The following RND3 variants were observed in gnomAD, a reference collection of about 807,000 sequenced individuals.
RND3 encodes Rho family GTPase 3.
In RND3, 8 loss-of-function variants were observed where a neutral mutation model predicts 26.5. The ratio of observed to expected loss-of-function variants is 0.30; its 90% CI spans 0.18 to 0.54. The LOEUF (loss-of-function observed/expected upper bound fraction) is 0.54, where lower values mean the gene tolerates loss of function less well. RND3 is among the 20% of genes least tolerant of loss of function. The pLI, the probability that RND3 is intolerant of heterozygous loss-of-function variation, is 0.94. For synonymous variants in RND3, 113 were observed against 113.0 expected (o/e 1.00, Z 0.00); for missense variants, 207 against 302.8 (o/e 0.68, Z 2.35).
chr2:150,484,237 G>A (rs114267056), intron 3 of RND3, among the ~76,000 whole-genome samples: 1,741 of 152,276 alleles, frequency 0.011, 35 homozygotes, highest in African/African-American at 0.04. Flanking sequence ...CAGAGTCTAC[G>A]AACTGCAGAG....
At chr2:150,478,805 G>A (rs1686217138) in intron 3 of RND3, among the ~76,000 whole-genome samples, 1 of 152,042 alleles carries the variant, frequency 6.6e-6, no homozygotes, top group Non-Finnish European at 1.5e-5. Flanking sequence ...ATAACATTTA[G>A]GGACTGCGTT....
At chr2:150,473,950 C>T (rs1291155914) in intron 4 of RND3, among the ~76,000 whole-genome samples, 1 of 152,226 alleles carries the variant, frequency 6.6e-6, no homozygotes, top group Non-Finnish European at 1.5e-5. Flanking sequence ...TCAGCCACAT[C>T]CGGTGTTGAA....
In RND3 at chr2:150,472,841, C is replaced by T. The variant is rs1324095834; in HGVS notation, c.349-1080G>A. Among the ~76,000 whole-genome samples, 4 of 152,060 alleles carry T rather than the reference C, an allele frequency of 2.6e-5. No homozygotes were observed. In the East Asian group the frequency reaches 7.7e-4, roughly 29 times the overall value. On this transcript the variant is annotated intron_variant, in intron 4 of 5. Coordinates refer to ENST00000263895, the MANE Select transcript of RND3 (RefSeq NM_005168.5). ...TATAACACTAGATAAGAGGGACATC[C>T]TGCAAGAATAACTTAAAAGATCACT...
intron 3 of RND3, among the ~76,000 whole-genome samples, chr2:150,479,492 C>T (rs1686235459): frequency 6.6e-6 from 1 of 152,160 alleles, no homozygotes; most frequent in African/African-American, 2.4e-5. Flanking sequence ...GAACCTTCAT[C>T]TGAAAAGCTT....
intron 4 of RND3, 84 bp downstream of exon 4, chr2:150,474,791 A>C (rs1335441526): frequency 2.7e-6 from 2 of 730,940 alleles, no homozygotes; most frequent in African/African-American, 3.5e-5. Context: ...AATTGATTAG[A>C]GTCTTTGAGC....
intron 3 of RND3, among the ~76,000 whole-genome samples, chr2:150,482,551 T>C (rs188637414): frequency 2.7e-4 from 41 of 152,326 alleles, no homozygotes; most frequent in Middle Eastern, 3.4e-3. Context: ...AAAATATTTT[T>C]TAGGAAAATG....
chr2:150,480,832 T>A (rs1451937145), intron 3 of RND3, among the ~76,000 whole-genome samples: 2 of 152,340 alleles, frequency 1.3e-5, no homozygotes, highest in East Asian at 3.9e-4. Flanking sequence ...TGTTTTACCT[T>A]AACCCAGGTC....
chr2:150,476,526 A>G (rs1686167559), intron 3 of RND3, among the ~76,000 whole-genome samples: 1 of 152,206 alleles, frequency 6.6e-6, no homozygotes, highest in South Asian at 2.1e-4. Context: ...AGAATGTTAC[A>G]AGAATCAGGA....
At chr2:150,485,177 AAAG>A (rs1686337325) in intron 3 of RND3, 1 of 152,300 alleles carries the variant, frequency 6.6e-6, no homozygotes, top group South Asian at 2.1e-4. Context: ...AACGGCTGAG[AAAG>A]AGCCTGACTC....
intron 3 of RND3, among the ~76,000 whole-genome samples, chr2:150,481,763 C>T (rs1686276474): frequency 6.6e-6 from 1 of 151,832 alleles, no homozygotes; most frequent in South Asian, 2.1e-4. Flanking sequence ...AGCAGTGATC[C>T]CCTTTTAAGC....
chr2:150,481,782 T>C (rs1435533001), intron 3 of RND3, among the ~76,000 whole-genome samples: 1 of 152,212 alleles, frequency 6.6e-6, no homozygotes, highest in African/African-American at 2.4e-5. Flanking sequence ...GCTGCTTTTC[T>C]GGATTAATTA....
At chr2:150,487,487 A>T in intron 1 of RND3, 32 bp from the exon 2 acceptor site, 1 of 360,904 alleles carries the variant, frequency 2.8e-6, no homozygotes, top group Non-Finnish European at 4.2e-6. Flanking sequence ...ATATATATAT[A>T]TATATATTTC....
In RND3 at chr2:150,487,253, G is replaced by A; in HGVS notation, c.150+15C>T. ...GGCCGACCCCCTCGTGGAAGCCGCG[G>A]CCGGCCACACTCACCTCGGGGAAGC... is the stretch of plus-strand genomic sequence containing the variant. On this transcript the variant is annotated intron_variant, in intron 2 of 5. Transcript: ENST00000263895. The A allele has an allele frequency of 1.3e-6, 2 of 1,565,192 alleles. No homozygotes were observed. The highest frequency in any genetic ancestry group is 1.7e-6 in the Non-Finnish European group (2 of 1,154,920).
chr2:150,481,043 T>C (rs973156825), intron 3 of RND3, among the ~76,000 whole-genome samples: 1 of 152,206 alleles, frequency 6.6e-6, no homozygotes, highest in African/African-American at 2.4e-5. Flanking sequence ...AACGTTAATT[T>C]AAGTTATAAT....
At chr2:150,472,382 C>G (rs138756489) in intron 4 of RND3, among the ~76,000 whole-genome samples, 2 of 152,188 alleles carry the variant, frequency 1.3e-5, no homozygotes, top group Non-Finnish European at 2.9e-5. Context: ...CTTGGGTCAT[C>G]GGGAAGGCAG....
At position 150,474,875 on chromosome 2, in the gene RND3, C is replaced by T; in HGVS notation, c.348G>A (p.Lys116=). Residue 116 remains lysine, a splice_region_variant and synonymous_variant, in exon 4 of 6, where the codon AAG becomes AAA. Coordinates refer to ENST00000263895, the MANE Select transcript of RND3 (RefSeq NM_005168.5). ...TGTGTCATCATTTCCCAGCACTTGC[C>T]TTTTTGAGGACACTGTCCAGGGTCT... ...RPETLDSVLK[K]WKGEIQEFCP... 1 of 1,577,836 alleles carries T rather than the reference C, an allele frequency of 6.3e-7. No individual in the cohort carries two copies. The highest frequency in any genetic ancestry group is 2.2e-5 in the East Asian group (1 of 44,682).
In RND3 at chr2:150,470,327, A is replaced by G. The variant is rs1049000583; in HGVS notation, c.484-89T>C. ...TTCTAATACCACAAAATAATAACACATTGCAAAACGTTTGCTGATATGTTA... is the reference window on the plus strand; with the variant it reads ...TTCTAATACCACAAAATAATAACACGTTGCAAAACGTTTGCTGATATGTTA... On this transcript the variant is annotated intron_variant, in intron 5 of 5. Transcript: ENST00000263895. 9.2e-5 allele frequency: 126 copies of G among 1,362,454 alleles called. 1 individual carries two copies. The highest frequency in any genetic ancestry group is 1.2e-4 in the Non-Finnish European group (121 of 996,134). The allele number at this position is 1,362,454 out of a possible 1,614,324, so 84.4% of individuals were successfully genotyped here.
intron 3 of RND3, among the ~76,000 whole-genome samples, chr2:150,483,822 T>A (rs1170335354): frequency 1.3e-5 from 2 of 152,200 alleles, no homozygotes; most frequent in Admixed American, 1.3e-4. Context: ...ACATTTCACC[T>A]CATGAACAAC....
chr2:150,476,766 G>A (rs1029378363), intron 3 of RND3, among the ~76,000 whole-genome samples: 3 of 152,188 alleles, frequency 2.0e-5, no homozygotes, highest in African/African-American at 4.8e-5. Flanking sequence ...CTTTTCAGTC[G>A]CTGAAAGTAC....
Sources: allele counts gnomAD v4.1 joint callset (sites outside exome capture counted in the v4.1 genomes callset), GRCh38; gene constraint gnomAD v4.1.1; transcripts MANE v1.5; gene names NCBI Gene and HGNC (gene_info 2026-07-23, HGNC 2026-07-21).